The following ESPL1 variants were observed in gnomAD, a reference collection of about 807,000 sequenced individuals.
The protein encoded by ESPL1 is separin.
A neutral mutation model predicts 217.2 loss-of-function variants in ESPL1; 50 were observed. The observed-to-expected ratio is 0.23, with a 90% CI of 0.18 to 0.29. ESPL1 has a LOEUF of 0.29. ESPL1 is among the 10% of genes least tolerant of loss of function. ESPL1 has a pLI of 1.00. For synonymous variants in ESPL1, 994 were observed against 1,081.3 expected, an observed-to-expected ratio of 0.92 and a Z score of 1.58; for missense variants, 1,834 against 2,603.0, an observed-to-expected ratio of 0.70 and a Z score of 6.43.
At position 53,279,772 on chromosome 12, in the gene ESPL1, T is replaced by A; in HGVS notation, c.2405T>A (p.Val802Asp). Residue 802 changes from valine to aspartate, a missense_variant, in exon 12 of 31, where the codon GTC (valine) becomes GAC (aspartate). By Grantham distance (152) the Val-to-Asp change is radical. Around this residue, in one of 5 missense-constraint regions of ESPL1, gnomAD observed 746 missense variants for 1,077.0 expected, o/e 0.69. Transcript: ENST00000257934. Reference sequence around the variant, plus strand: ...GAGGTCCTCCTGCTGCTACGGATTGTCTCTGAGAGACTGAAGGACCACTCG... The same window carrying A: ...GAGGTCCTCCTGCTGCTACGGATTGACTCTGAGAGACTGAAGGACCACTCG... ...ALEVLLLLRI[V>D]SERLKDHSKA... is the part of the protein sequence containing the mutation. 1 of 1,614,038 alleles carries A rather than the reference T, an allele frequency of 6.2e-7. No individual in the cohort carries two copies.
At position 53,286,816 on chromosome 12, in the gene ESPL1, C is replaced by T. The variant is rs1256756503; in HGVS notation, c.4080C>T (p.Val1360=). ...GGATCAGGCAAGCTGGCCCTCATGT[C>T]CCCTTCACGGTGTTTGAGGAAGTCT... ...PDRIRQAGPH[V]PFTVFEEVCP... is the part of the protein sequence containing the mutation. Residue 1360 remains valine, a synonymous_variant, in exon 18 of 31, where the codon GTC becomes GTT. Coordinates refer to ENST00000257934, the MANE Select transcript of ESPL1 (RefSeq NM_012291.5). This position sits in a 1 kb window ranked among gnomAD's most constrained non-coding sequence, Gnocchi z 5.3. The T allele has an allele frequency of 1.2e-6, 2 of 1,614,140 alleles. No homozygotes were observed. The highest frequency in any genetic ancestry group is 1.7e-6 in the Non-Finnish European group (2 of 1,180,042).
In ESPL1 at chr12:53,281,937, T is replaced by C. The variant is rs546428794; in HGVS notation, c.2619+311T>C. ...TAGAAATCCAGGGGATGGCAAAGACTTGAGTTTTCTCCCAAACTAGTTGTG... is the reference window on the plus strand; with the variant it reads ...TAGAAATCCAGGGGATGGCAAAGACCTGAGTTTTCTCCCAAACTAGTTGTG... On this transcript the variant is annotated intron_variant, in intron 13 of 30. Transcript: ENST00000257934. 1.2e-4 allele frequency among the ~76,000 whole-genome samples: 19 copies of C among 152,318 alleles called. 1 individual carries two copies. In the East Asian group the frequency reaches 3.7e-3, roughly 29 times the overall value.
chr12:53,273,740 C>A (rs1419875029), intron 6 of ESPL1, among the ~76,000 whole-genome samples: 2 of 148,576 alleles, frequency 1.3e-5, no homozygotes, highest in Non-Finnish European at 3.0e-5. Flanking sequence ...GCCTGGGCTA[C>A]AGAGCAAGAC....
chr12:53,277,516 A>G lies in ESPL1; in HGVS notation c.2132A>G (p.Glu711Gly), dbSNP rs1943791697. Residue 711 changes from glutamate to glycine, a missense_variant, in exon 10 of 31, where the codon GAA (glutamate) becomes GGA (glycine). Physicochemically the swap from Glu to Gly is moderately conservative, Grantham distance 98 (BLOSUM62 -2). This residue lies in a region of ESPL1 where 746 missense variants were observed against 1,077.0 expected (regional missense o/e 0.69). Transcript: ENST00000257934. ...RRAQAPGNLE[E>G]FEVNDLNYED... is the part of the protein sequence containing the mutation. ...GCCCAGGCCCCTGGTAACTTGGAGGAATTTGAAGTCAATGACCTGAACTAT... is the reference window on the plus strand; with the variant it reads ...GCCCAGGCCCCTGGTAACTTGGAGGGATTTGAAGTCAATGACCTGAACTAT... 3 of 1,614,172 alleles carry G rather than the reference A, an allele frequency of 1.9e-6. No homozygotes were observed. The highest frequency in any genetic ancestry group is 2.5e-6 in the Non-Finnish European group (3 of 1,180,018).
At chr12:53,277,404 C>T in intron 9 of ESPL1, 66 bp from the exon 10 acceptor site, 1 of 1,554,032 alleles carries the variant, frequency 6.4e-7, no homozygotes, top group Non-Finnish European at 8.7e-7. Flanking sequence ...CCTCAGCCTG[C>T]CGAGTAGCCA....
intron 18 of ESPL1, 67 bp from the exon 19 acceptor site, chr12:53,287,905 C>T: frequency 6.7e-7 from 1 of 1,488,668 alleles, no homozygotes; most frequent in Non-Finnish European, 9.0e-7. Context: ...CACTACGCCA[C>T]CTGCTGTCAC....
intron 6 of ESPL1, among the ~76,000 whole-genome samples, chr12:53,273,445 C>T (rs889789724): frequency 2.0e-5 from 3 of 151,912 alleles, no homozygotes; most frequent in Non-Finnish European, 4.4e-5. Context: ...TAATGTCTGC[C>T]CCGAGTTAAT....
Position 53,282,397 on chromosome 12 carries a change from A to G in ESPL1, c.2753A>G (p.Asn918Ser), listed in dbSNP as rs73309511. 2,545 of 1,613,884 alleles carry G rather than the reference A, an allele frequency of 1.6e-3. 25 individuals carry two copies. The African/African-American group carries it at 0.025, about 16-fold the overall frequency. ...VAAYLSLPSN[N>S]LSHSLWEQLC... ...GCTTACCTTAGCCTCCCGTCAAACA[A>G]CCTCTCACACTCCCTGTGGGAGCAG... The change falls in exon 14 of 31, where the codon AAC becomes AGC. Residue 918 changes from asparagine (N) to serine (S), a missense_variant. Physicochemically the swap from Asn to Ser is conservative, Grantham distance 46 (BLOSUM62 1). Around this residue, in one of 5 missense-constraint regions of ESPL1, gnomAD observed 107 missense variants for 171.7 expected, o/e 0.62. Coordinates refer to ENST00000257934, the MANE Select transcript of ESPL1 (RefSeq NM_012291.5). The surrounding 1 kb of genome is among the most constrained non-coding windows in gnomAD (Gnocchi z 4.0).
intron 8 of ESPL1, 59 bp from the exon 9 acceptor site, chr12:53,277,024 C>T: frequency 6.3e-7 from 1 of 1,586,292 alleles, no homozygotes; most frequent in East Asian, 2.2e-5. Context: ...TAGCCCTTCC[C>T]AGGGCGCTAT....
chr12:53,288,157 G>A lies in ESPL1; in HGVS notation c.4362G>A (p.Arg1454=). The change falls in exon 19 of 31, where the codon AGG becomes AGA. Residue 1454 remains arginine (R), a synonymous_variant. Transcript: ENST00000257934. ...CTGGGAACCCTGGCCTGAATGGCAG[G>A]AGCCGGAGGGCCAAGAAGGTGGCAT... is the stretch of plus-strand genomic sequence containing the variant. ...SAPGNPGLNG[R]SRRAKKVASR... is the part of the protein sequence containing the mutation. 6.2e-7 allele frequency: 1 copy of A among 1,613,096 alleles called. No homozygotes were observed. The highest frequency in any genetic ancestry group is 8.5e-7 in the Non-Finnish European group (1 of 1,179,754).
At chr12:53,268,703 C>A (rs1024444937) in intron 1 of ESPL1, 52 bp from the exon 2 acceptor site, 4 of 1,120,220 alleles carry the variant, frequency 3.6e-6, no homozygotes, top group Non-Finnish European at 5.3e-6. Flanking sequence ...CTCTTCCCTT[C>A]CTCCAGTTAG....
In ESPL1 at chr12:53,293,167, C is replaced by T. The variant is rs556704212; in HGVS notation, c.6162-106C>T. The T allele has an allele frequency of 1.8e-6, 2 of 1,086,138 alleles. No individual in the cohort carries two copies. The highest frequency in any genetic ancestry group is 2.8e-6 in the Non-Finnish European group (2 of 724,730). The allele number at this position is 1,086,138 out of a possible 1,614,324, so 67.3% of individuals were successfully genotyped here. A position where few individuals can be genotyped will look rare whatever the true frequency, so the allele number is the denominator to read the frequency against. ...GTAACCAAGGGCCAAAGGAGTTTCT[C>T]ATTGGTTCAATCCTCTCCACTCACC... On this transcript the variant is annotated intron_variant, in intron 30 of 30. Coordinates refer to ENST00000257934, the MANE Select transcript of ESPL1 (RefSeq NM_012291.5). The surrounding 1 kb of genome is among the most constrained non-coding windows in gnomAD (Gnocchi z 4.2).
rs1445409182 is a variant in ESPL1, at chr12:53,287,872, G to GTGATGGTGCC, written c.4177-88_4177-79dup. On this transcript the variant is annotated intron_variant, in intron 18 of 30. Coordinates refer to ENST00000257934, the MANE Select transcript of ESPL1 (RefSeq NM_012291.5). ...GTTCTGAAATCTTCCAGGGTCCTGT[G>GTGATGGTGCC]TGATGGTGCCTGATGGTGCCTCCAC... 2.1e-4 allele frequency: 251 copies of GTGATGGTGCC among 1,191,106 alleles called. 3 individuals are homozygous for GTGATGGTGCC. The highest frequency in any genetic ancestry group is 1.6e-5 in the Non-Finnish European group (14 of 851,308). 73.8% of individuals were successfully genotyped at this position (1,191,106 alleles called of 1,614,324 possible). A position where few individuals can be genotyped will look rare whatever the true frequency, so the allele number is the denominator to read the frequency against.
In ESPL1 at chr12:53,270,348, C is replaced by G. The variant is rs767900954; in HGVS notation, c.1144-30C>G. The G allele has an allele frequency of 2.0e-6, 3 of 1,495,108 alleles. No homozygotes were observed. The African/African-American group carries it at 4.1e-5, about 21-fold the overall frequency. 92.6% of individuals were successfully genotyped at this position (1,495,108 alleles called of 1,614,324 possible). A position where few individuals can be genotyped will look rare whatever the true frequency, so the allele number is the denominator to read the frequency against. ...CTTGGAGCCCTCTTTATCTCTACTC[C>G]TCATACCAACCTTCCGCTTCCTTCC... On this transcript the variant is annotated intron_variant, in intron 3 of 30. Coordinates refer to ENST00000257934, the MANE Select transcript of ESPL1 (RefSeq NM_012291.5).
In ESPL1 at chr12:53,292,430, G is replaced by C; in HGVS notation, c.5912+37G>C. The stretch of plus-strand genomic sequence containing the variant: ...GAAGACAAGAAGACGTGTGGGGAAG[G>C]GTAGACAACATACAGGGGCAACAAG... On this transcript the variant is annotated intron_variant, in intron 28 of 30. Coordinates refer to ENST00000257934, the MANE Select transcript of ESPL1 (RefSeq NM_012291.5). The surrounding 1 kb of genome is among the most constrained non-coding windows in gnomAD (Gnocchi z 4.5). The C allele has an allele frequency of 6.6e-7, 1 of 1,504,986 alleles. No individual in the cohort carries two copies. Among genetic ancestry groups the C allele is most frequent in the Non-Finnish European group, 9.3e-7 (1 of 1,080,582 alleles). The allele number at this position is 1,504,986 out of a possible 1,614,324, so 93.2% of individuals were successfully genotyped here. A position where few individuals can be genotyped will look rare whatever the true frequency, so the allele number is the denominator to read the frequency against.
Position 53,277,925 on chromosome 12 carries a change from C to G in ESPL1, c.2329C>G (p.Gln777Glu). ...RCLQQTAASL[Q>E]ILAALYQLVA... ...TCTCCAGCAGACAGCAGCCTCACTG[C>G]AGATCCTAGCAGCCCTCTACCAGCT... The change falls in exon 11 of 31, where the codon CAG (glutamine) becomes GAG (glutamate). Residue 777 changes from glutamine to glutamate, a missense_variant. Gln to Glu is a conservative substitution (Grantham distance 29). Around this residue, in one of 5 missense-constraint regions of ESPL1, gnomAD observed 746 missense variants for 1,077.0 expected, o/e 0.69. Coordinates refer to ENST00000257934, the MANE Select transcript of ESPL1 (RefSeq NM_012291.5). 6.2e-7 allele frequency: 1 copy of G among 1,614,052 alleles called. No individual in the cohort carries two copies. Among genetic ancestry groups the G allele is most frequent in the Non-Finnish European group, 8.5e-7 (1 of 1,180,012 alleles).
At position 53,292,019 on chromosome 12, in the gene ESPL1, C is replaced by A. The variant is rs1278076728; in HGVS notation, c.5727C>A (p.Ser1909Arg). The A allele has an allele frequency of 6.2e-7, 1 of 1,614,100 alleles. No individual in the cohort carries two copies. ...LQKLPWESMP[S>R]LQALPVTRLP... ...AGCTGCCGTGGGAAAGCATGCCCAG[C>A]CTCCAAGCACTGCCTGTCACCCGGC... Residue 1909 changes from serine (S) to arginine (R), a missense_variant, in exon 27 of 31, where the codon AGC becomes AGA. Ser to Arg is a moderately radical substitution (Grantham distance 110). Transcript: ENST00000257934. The surrounding 1 kb of genome is among the most constrained non-coding windows in gnomAD (Gnocchi z 4.5).
At position 53,289,509 on chromosome 12, in the gene ESPL1, C is replaced by G. The variant is rs1055820584; in HGVS notation, c.5028C>G (p.Leu1676=). The stretch of plus-strand genomic sequence containing the variant: ...TCCCCCTGGCCCGCATCCAGCGCCT[C>G]TTTTCCTTCAGGGCTTTGGAATCTG... ...GDVPLARIQR[L]FSFRALESGH... The change falls in exon 22 of 31, where the codon CTC becomes CTG. Residue 1676 remains leucine, a synonymous_variant. Coordinates refer to ENST00000257934, the MANE Select transcript of ESPL1 (RefSeq NM_012291.5). The G allele has an allele frequency of 6.2e-7, 1 of 1,614,094 alleles. No individual in the cohort carries two copies. Among genetic ancestry groups the G allele is most frequent in the Admixed American group, 1.7e-5 (1 of 60,010 alleles).
chr12:53,287,741 T>C (rs1441997716), intron 18 of ESPL1: 1 of 464,262 alleles, frequency 2.2e-6, no homozygotes. Flanking sequence ...CTCTAATGTT[T>C]CTTTTACCTT....
Sources: gnomAD v4.1 joint callset for allele counts (sites outside exome capture counted in the v4.1 genomes callset) on GRCh38, gnomAD v4.1.1 for gene constraint, gnomAD v4.1.1 regional missense constraint, Gnocchi (gnomAD v3.1) non-coding constraint, MANE v1.5 for transcripts, NCBI Gene and HGNC (gene_info 2026-07-23, HGNC 2026-07-21) for gene names.